Variants in ENOX1 observed in about 807,000 individuals in gnomAD.
The protein encoded by ENOX1 is candidate growth-related and time keeping constitutive hydroquinone (NADH) oxidase.
In ENOX1, 42 loss-of-function variants were observed where a neutral mutation model predicts 82.5. That is an observed-to-expected ratio of 0.51 (90% CI 0.40 to 0.66). ENOX1 has a LOEUF of 0.66. ENOX1 is among the 30% of genes least tolerant of loss of function. ENOX1 has a pLI of 0.00. For synonymous variants in ENOX1, 271 were observed against 282.2 expected (o/e 0.96, Z 0.40); for missense variants, 608 against 811.6 (o/e 0.75, Z 3.05).
At chr13:43,630,042 T>G (rs561227127) in intron 2 of ENOX1, among the ~76,000 whole-genome samples, 1 of 152,208 alleles carries the variant, frequency 6.6e-6, no homozygotes, top group African/African-American at 2.4e-5. Context: ...CAGATTATAT[T>G]AAACAAAACT....
chr13:43,471,915 G>C (rs79982970), intron 3 of ENOX1, among the ~76,000 whole-genome samples: 3 of 151,306 alleles, frequency 2.0e-5, no homozygotes, highest in African/African-American at 7.3e-5. Context: ...GGGTATATGA[G>C]TATTTACTGT....
At chr13:43,607,970 C>G (rs1350219553) in intron 2 of ENOX1, among the ~76,000 whole-genome samples, 1 of 152,114 alleles carries the variant, frequency 6.6e-6, no homozygotes, top group Non-Finnish European at 1.5e-5. Context: ...GCTGGAAGCA[C>G]CAAGTCACTG....
intron 8 of ENOX1, among the ~76,000 whole-genome samples, chr13:43,354,002 A>C (rs2049980124): frequency 6.6e-6 from 1 of 152,248 alleles, no homozygotes; most frequent in African/African-American, 2.4e-5. Flanking sequence ...ACATAACTAG[A>C]TGATACGCTT....
chr13:43,705,588 G>T (rs1307810863), intron 1 of ENOX1, among the ~76,000 whole-genome samples: 1 of 151,826 alleles, frequency 6.6e-6, no homozygotes, highest in Non-Finnish European at 1.5e-5. Context: ...GAAAATGAGG[G>T]TAATTTCATA....
intron 2 of ENOX1, among the ~76,000 whole-genome samples, chr13:43,586,063 G>A (rs1002543638): frequency 4.6e-5 from 7 of 152,062 alleles, no homozygotes; most frequent in East Asian, 1.9e-4. Context: ...TTCCTAAAGC[G>A]TCTATGTTCC....
intron 5 of ENOX1, among the ~76,000 whole-genome samples, chr13:43,399,883 T>G (rs1173164655): frequency 2.6e-5 from 4 of 152,016 alleles, no homozygotes; most frequent in African/African-American, 9.7e-5. Context: ...TTCCCATCTT[T>G]CCAACCCTCT....
At chr13:43,617,365 C>T (rs570363883) in intron 2 of ENOX1, among the ~76,000 whole-genome samples, 1 of 152,332 alleles carries the variant, frequency 6.6e-6, no homozygotes, top group Admixed American at 6.5e-5. Flanking sequence ...CTTTGGAACA[C>T]AATACCAGTG....
intron 2 of ENOX1, among the ~76,000 whole-genome samples, chr13:43,531,359 C>G (rs1004469863): frequency 6.6e-6 from 1 of 151,916 alleles, no homozygotes; most frequent in Non-Finnish European, 1.5e-5. Flanking sequence ...AAATGCAAAT[C>G]AAAACCACAA....
At chr13:43,779,827 G>C (rs532097078) in intron 1 of ENOX1, among the ~76,000 whole-genome samples, 7 of 152,264 alleles carry the variant, frequency 4.6e-5, no homozygotes, top group African/African-American at 1.4e-4. Flanking sequence ...CCTGCAAGCA[G>C]CATGTTCTCT....
chr13:43,451,825 A>G lies in ENOX1; in HGVS notation c.-75+32184T>C, dbSNP rs535610979. On this transcript the variant is annotated intron_variant, in intron 3 of 16. Transcript: ENST00000690772. ...TGGTTATTCTAGGTACTTGGGGAAA[A>G]GCAGTAAATAAAACAGACAAAATCC... Among the ~76,000 whole-genome samples, 19 of 152,312 alleles carry G rather than the reference A, an allele frequency of 1.2e-4. No individual in the cohort carries two copies. The South Asian group carries it at 3.3e-3, about 27-fold the overall frequency.
chr13:43,444,320 T>C (rs559955957), intron 3 of ENOX1, among the ~76,000 whole-genome samples: 2 of 152,292 alleles, frequency 1.3e-5, no homozygotes, highest in East Asian at 1.9e-4. Context: ...GGAGAGCGGA[T>C]CATTTTCTTT....
At chr13:43,741,422 A>G (rs533924359) in intron 1 of ENOX1, among the ~76,000 whole-genome samples, 1 of 152,266 alleles carries the variant, frequency 6.6e-6, no homozygotes, top group South Asian at 2.1e-4. Flanking sequence ...TGAGGGCTTC[A>G]AATTCTCCAT....
At chr13:43,496,375 C>T (rs556339404) in intron 2 of ENOX1, among the ~76,000 whole-genome samples, 38 of 151,354 alleles carry the variant, frequency 2.5e-4, no homozygotes, top group Non-Finnish European at 4.6e-4. Context: ...GCAATTGGCT[C>T]TTTTTCTTTT....
At chr13:43,292,862 C>G (rs980820139) in intron 12 of ENOX1, among the ~76,000 whole-genome samples, 4 of 151,970 alleles carry the variant, frequency 2.6e-5, no homozygotes, top group Non-Finnish European at 5.9e-5. Context: ...ATTTCTACCC[C>G]AGTCACCATC....
At chr13:43,349,806 C>G (rs1016917304) in intron 8 of ENOX1, among the ~76,000 whole-genome samples, 8 of 151,882 alleles carry the variant, frequency 5.3e-5, no homozygotes, top group African/African-American at 1.5e-4. Flanking sequence ...AAAGTAGCAG[C>G]TGAGATACTA....
chr13:43,315,421 C>T (rs936027792), intron 11 of ENOX1, among the ~76,000 whole-genome samples: 2 of 152,014 alleles, frequency 1.3e-5, no homozygotes, highest in African/African-American at 2.4e-5. Context: ...TAAATGAAAA[C>T]GGAAAATCAG....
At chr13:43,580,460 T>C (rs181672122) in intron 2 of ENOX1, among the ~76,000 whole-genome samples, 217 of 152,354 alleles carry the variant, frequency 1.4e-3, no homozygotes, top group Non-Finnish European at 2.6e-3. Context: ...CCGACCAGAA[T>C]AGCTGCACTA....
chr13:43,591,734 G>A (rs1407940953), intron 2 of ENOX1, among the ~76,000 whole-genome samples: 1 of 151,976 alleles, frequency 6.6e-6, no homozygotes, highest in Non-Finnish European at 1.5e-5. Flanking sequence ...AGGGAAAACT[G>A]GAGCTTTGGC....
At chr13:43,217,871 A>G (rs2041570739) in intron 16 of ENOX1, among the ~76,000 whole-genome samples, 1 of 152,178 alleles carries the variant, frequency 6.6e-6, no homozygotes, top group African/African-American at 2.4e-5. Flanking sequence ...TGTGGCAAAG[A>G]TCTTAAAATG....
Sources: gnomAD v4.1 joint callset for allele counts (sites outside exome capture counted in the v4.1 genomes callset) on GRCh38, gnomAD v4.1.1 for gene constraint, MANE v1.5 for transcripts, NCBI Gene and HGNC (gene_info 2026-07-23, HGNC 2026-07-21) for gene names.